RALYL: variants seen among roughly 807,000 people sequenced by gnomAD.
RALYL encodes the protein RNA-binding Raly-like protein.
A neutral mutation model predicts 35.1 loss-of-function variants in RALYL; 29 were observed. The observed-to-expected ratio is 0.83, with a 90% CI of 0.61 to 1.13. The LOEUF (loss-of-function observed/expected upper bound fraction) is 1.13, where lower values mean the gene tolerates loss of function less well. RALYL is among the 50% of genes most tolerant of loss of function. RALYL has a pLI of 0.00. For missense variants in RALYL, 359 were observed against 360.4 expected, an observed-to-expected ratio of 1.00 and a Z score of 0.03; for synonymous variants, 120 against 127.6, an observed-to-expected ratio of 0.94 and a Z score of 0.40.
At chr8:84,783,849 T>G (rs1357171830) in intron 3 of RALYL, among the ~76,000 whole-genome samples, 1 of 152,154 alleles carries the variant, frequency 6.6e-6, no homozygotes, top group Non-Finnish European at 1.5e-5. Context: ...GCCACCTGTT[T>G]TTAATTTGTA....
At chr8:84,675,015 C>A (rs1049940359) in intron 2 of RALYL, among the ~76,000 whole-genome samples, 8 of 151,116 alleles carry the variant, frequency 5.3e-5, no homozygotes, top group African/African-American at 1.7e-4. Context: ...TTACTGCTAT[C>A]TACTGTTAAG....
intron 2 of RALYL, among the ~76,000 whole-genome samples, chr8:84,584,466 G>T (rs965108317): frequency 2.0e-5 from 3 of 152,114 alleles, no homozygotes; most frequent in African/African-American, 7.2e-5. Context: ...AGCCAGGCAT[G>T]GTGGCGTGCA....
intron 2 of RALYL, among the ~76,000 whole-genome samples, chr8:84,699,433 C>A (rs946599038): frequency 6.6e-6 from 1 of 152,088 alleles, no homozygotes; most frequent in Non-Finnish European, 1.5e-5. Context: ...TCCCAGAGTT[C>A]TAAAGGCTGG....
intron 2 of RALYL, among the ~76,000 whole-genome samples, chr8:84,600,769 A>T (rs541699197): frequency 1.3e-5 from 2 of 152,232 alleles, no homozygotes; most frequent in African/African-American, 4.8e-5. Context: ...CATTGTTAGG[A>T]TGAACTTGAT....
chr8:84,282,882 AT>A (rs1836877819), intron 1 of RALYL, among the ~76,000 whole-genome samples: 1 of 152,014 alleles, frequency 6.6e-6, no homozygotes, highest in Non-Finnish European at 1.5e-5. Context: ...ACTTGACAAA[AT>A]AGAAGAGCGC....
chr8:84,761,464 C>T (rs893976539), intron 2 of RALYL, among the ~76,000 whole-genome samples: 1 of 151,750 alleles, frequency 6.6e-6, no homozygotes, highest in Non-Finnish European at 1.5e-5. Context: ...TTTATGGAAC[C>T]TATAGAACCA....
At chr8:84,587,026 C>T (rs1348504003) in intron 2 of RALYL, among the ~76,000 whole-genome samples, 1 of 152,128 alleles carries the variant, frequency 6.6e-6, no homozygotes, top group African/African-American at 2.4e-5. Context: ...AACTTCAGCC[C>T]TGGATTTCAG....
chr8:84,812,847 C>A (rs1826234596), intron 4 of RALYL, among the ~76,000 whole-genome samples: 1 of 152,166 alleles, frequency 6.6e-6, no homozygotes, highest in Non-Finnish European at 1.5e-5. Flanking sequence ...TGTCTCCCAG[C>A]TGCGAAAGAA....
chr8:84,862,596 A>T (rs1838334117), intron 6 of RALYL, 143 bp downstream of exon 6: 2 of 656,874 alleles, frequency 3.0e-6, no homozygotes, highest in Non-Finnish European at 4.6e-6. Context: ...TAAGATGGAT[A>T]AAAAATGGTC....
At chr8:84,721,880 A>G (rs559147391) in intron 2 of RALYL, among the ~76,000 whole-genome samples, 159 of 152,218 alleles carry the variant, frequency 1.0e-3, no homozygotes, top group African/African-American at 3.5e-3. Flanking sequence ...CTGTTCTTTC[A>G]TTGTCTTCTC....
chr8:84,762,315 C>T (rs1563545579), intron 2 of RALYL, among the ~76,000 whole-genome samples: 1 of 152,056 alleles, frequency 6.6e-6, no homozygotes. Context: ...TCATATATCC[C>T]ATTTCTCTCC....
intron 2 of RALYL, among the ~76,000 whole-genome samples, chr8:84,694,341 T>C (rs894473786): frequency 8.6e-5 from 13 of 151,670 alleles, no homozygotes; most frequent in African/African-American, 3.1e-4. Context: ...GAAAAAAAGA[T>C]TAAGAAAACA....
In RALYL at chr8:84,704,770, T is replaced by C. The variant is rs899251229; in HGVS notation, c.257-69809T>C. Among the ~76,000 whole-genome samples, 7 of 152,236 alleles carry C rather than the reference T, an allele frequency of 4.6e-5. No individual in the cohort carries two copies. The East Asian group carries it at 9.7e-4, about 21-fold the overall frequency. ...AATATTGCTGAAAACTTATAGAATA[T>C]TATTCTTGGTATATGTGGTTACAAA... On this transcript the variant is annotated intron_variant, in intron 2 of 8. Transcript: ENST00000521268.
At chr8:84,329,134 G>A (rs1846357974) in intron 1 of RALYL, among the ~76,000 whole-genome samples, 1 of 152,136 alleles carries the variant, frequency 6.6e-6, no homozygotes, top group African/African-American at 2.4e-5. Flanking sequence ...TAATGGGATT[G>A]TTGGGTCAAA....
At chr8:84,609,531 T>G (rs1389780846) in intron 2 of RALYL, among the ~76,000 whole-genome samples, 1 of 152,118 alleles carries the variant, frequency 6.6e-6, no homozygotes, top group Non-Finnish European at 1.5e-5. Flanking sequence ...AAGGTGCAAA[T>G]TCACTATAGC....
chr8:84,802,514 C>A (rs190008868), intron 3 of RALYL, among the ~76,000 whole-genome samples: 2 of 152,140 alleles, frequency 1.3e-5, no homozygotes, highest in East Asian at 1.9e-4. Context: ...GCTAGTCAGA[C>A]AAATCATACT....
At chr8:84,252,564 T>C (rs1204227012) in intron 1 of RALYL, among the ~76,000 whole-genome samples, 1 of 152,114 alleles carries the variant, frequency 6.6e-6, no homozygotes, top group African/African-American at 2.4e-5. Flanking sequence ...TAAGCTTGGA[T>C]AGAAAAAAGA....
intron 1 of RALYL, among the ~76,000 whole-genome samples, chr8:84,406,989 T>TCC (rs2043565459): frequency 6.7e-6 from 1 of 148,956 alleles, no homozygotes; most frequent in East Asian, 1.9e-4. Context: ...TTGTTTGTTC[T>TCC]CTCTCTCTCT....
chr8:84,563,546 G>A (rs1312339290), intron 2 of RALYL, among the ~76,000 whole-genome samples: 1 of 151,536 alleles, frequency 6.6e-6, no homozygotes, highest in Non-Finnish European at 1.5e-5. Context: ...TGTAAGCAAA[G>A]CTGACTGATT....
Sources: gnomAD v4.1 joint callset for allele counts (sites outside exome capture counted in the v4.1 genomes callset) on GRCh38, gnomAD v4.1.1 for gene constraint, MANE v1.5 for transcripts, NCBI Gene and HGNC (gene_info 2026-07-23, HGNC 2026-07-21) for gene names.